Variants in DLGAP1 observed in about 807,000 individuals in gnomAD.
The protein encoded by DLGAP1 is disks large-associated protein 1.
DLGAP1 carries 11 observed loss-of-function variants against 90.8 expected under a neutral mutation model. The observed-to-expected ratio is 0.12, with a 90% CI of 0.08 to 0.20. DLGAP1 has a LOEUF of 0.20. Ranked by LOEUF, DLGAP1 falls within the 10% of genes least tolerant of loss-of-function variation. The probability of loss-of-function intolerance (pLI) is 1.00; values close to 1 mark genes in which losing one functional copy is unlikely to be tolerated. For missense variants in DLGAP1, 1,050 were observed against 1,333.8 expected, an observed-to-expected ratio of 0.79 and a Z score of 3.31; for synonymous variants, 558 against 540.7, an observed-to-expected ratio of 1.03 and a Z score of -0.44.
At chr18:4,152,121 A>T (rs1489834362) in intron 1 of DLGAP1, among the ~76,000 whole-genome samples, 1 of 152,200 alleles carries the variant, frequency 6.6e-6, no homozygotes, top group Non-Finnish European at 1.5e-5. Context: ...GAAAAGTGAC[A>T]TAGAAAAGGA....
At chr18:4,115,231 G>A (rs577378579) in intron 2 of DLGAP1, among the ~76,000 whole-genome samples, 1 of 151,908 alleles carries the variant, frequency 6.6e-6, no homozygotes, top group Admixed American at 6.6e-5. Context: ...ACTCATATAT[G>A]TGTCTATTCC....
At chr18:3,753,405 A>G (rs1472014365) in intron 5 of DLGAP1, among the ~76,000 whole-genome samples, 1 of 152,078 alleles carries the variant, frequency 6.6e-6, no homozygotes, top group Non-Finnish European at 1.5e-5. Flanking sequence ...CTCCCCTCGA[A>G]AGCCTGGATC....
At chr18:3,835,104 T>G (rs2068292494) in intron 4 of DLGAP1, among the ~76,000 whole-genome samples, 2 of 152,252 alleles carry the variant, frequency 1.3e-5, no homozygotes, top group Admixed American at 1.3e-4. Flanking sequence ...AAAACCCATA[T>G]GGCCTGTGTC....
chr18:4,070,353 A>G (rs140403014), intron 2 of DLGAP1, among the ~76,000 whole-genome samples: 163 of 152,114 alleles, frequency 1.1e-3, no homozygotes, highest in African/African-American at 3.9e-3. Context: ...CCTCCACAGA[A>G]ATCTTTTTTT....
At chr18:4,016,980 C>T (rs1462936890) in intron 2 of DLGAP1, among the ~76,000 whole-genome samples, 1 of 152,116 alleles carries the variant, frequency 6.6e-6, no homozygotes, top group Non-Finnish European at 1.5e-5. Flanking sequence ...ATACTAGTTC[C>T]CTCCCTTCAC....
In DLGAP1 at chr18:4,220,316, ATGG is replaced by A. The variant is rs1598648441; in HGVS notation, c.-266-69032_-266-69030del. ...TCCTTCTTTTTCCAGTTTAGATTCTATGGCTCATAATTTCATTAAGACTCTTGC... is the reference window on the plus strand; with the variant it reads ...TCCTTCTTTTTCCAGTTTAGATTCTACTCATAATTTCATTAAGACTCTTGC... On this transcript the variant is annotated intron_variant, in intron 1 of 12. Transcript: ENST00000315677. Among the ~76,000 whole-genome samples, 20 of 152,204 alleles carry A rather than the reference ATGG, an allele frequency of 1.3e-4. No individual in the cohort carries two copies. The East Asian group carries it at 3.9e-3, about 29-fold the overall frequency.
intron 1 of DLGAP1, among the ~76,000 whole-genome samples, chr18:4,446,407 T>C (rs1366532058): frequency 2.6e-5 from 4 of 151,930 alleles, no homozygotes; most frequent in African/African-American, 4.8e-5. Context: ...CTGCTATGTA[T>C]TCCAGGCATA....
intron 4 of DLGAP1, among the ~76,000 whole-genome samples, chr18:3,830,719 A>G (rs1238892062): frequency 6.6e-6 from 1 of 152,234 alleles, no homozygotes; most frequent in Non-Finnish European, 1.5e-5. Context: ...CAACTTGCAC[A>G]TACTACTAAT....
At chr18:4,316,713 G>A (rs899380057) in intron 1 of DLGAP1, among the ~76,000 whole-genome samples, 1 of 152,070 alleles carries the variant, frequency 6.6e-6, no homozygotes, top group Non-Finnish European at 1.5e-5. Flanking sequence ...TAAGGCCGTC[G>A]AACTGAACAC....
chr18:3,573,867 A>AT (rs1410072093), intron 8 of DLGAP1, among the ~76,000 whole-genome samples: 1 of 151,848 alleles, frequency 6.6e-6, no homozygotes, highest in African/African-American at 2.4e-5. Context: ...CGCACGACTA[A>AT]TTTTTTCTAC....
chr18:3,659,394 TACACACACACACACACACACACAC>T (rs71366699), intron 7 of DLGAP1, among the ~76,000 whole-genome samples: 2 of 102,174 alleles, frequency 2.0e-5, no homozygotes, highest in Admixed American at 2.3e-4. Context: ...CATACATTTA[TACACACACACACACACACACACAC>T]ACACACACAC....
intron 3 of DLGAP1, among the ~76,000 whole-genome samples, chr18:3,883,900 G>A (rs758559094): frequency 5.3e-5 from 8 of 152,200 alleles, no homozygotes; most frequent in Admixed American, 1.3e-4. Flanking sequence ...CGTTCTACCT[G>A]TCTGGAAGTA....
intron 1 of DLGAP1, among the ~76,000 whole-genome samples, chr18:4,266,974 T>A (rs1568481039): frequency 6.6e-6 from 1 of 152,220 alleles, no homozygotes; most frequent in Admixed American, 6.5e-5. Context: ...GGTGCTGAGT[T>A]TACTAATGTG....
intron 2 of DLGAP1, among the ~76,000 whole-genome samples, chr18:4,088,961 G>A (rs1216484453): frequency 2.0e-5 from 3 of 152,178 alleles, no homozygotes; most frequent in African/African-American, 7.2e-5. Flanking sequence ...GCGCAAGCAG[G>A]CAAGAGAAAG....
At chr18:4,357,157 CTTTTT>C (rs554248097) in intron 1 of DLGAP1, among the ~76,000 whole-genome samples, 48 of 108,708 alleles carry the variant, frequency 4.4e-4, no homozygotes, top group South Asian at 9.9e-4. Flanking sequence ...TGTTTTTTTC[CTTTTT>C]TTTTTTTTTT....
chr18:4,315,256 C>T (rs1411763158), intron 1 of DLGAP1, among the ~76,000 whole-genome samples: 2 of 152,124 alleles, frequency 1.3e-5, no homozygotes, highest in East Asian at 3.8e-4. Context: ...TATAACAGTG[C>T]CTAGCCTATG....
intron 1 of DLGAP1, among the ~76,000 whole-genome samples, chr18:4,214,873 ACC>A (rs2077920060): frequency 6.6e-6 from 1 of 152,104 alleles, no homozygotes; most frequent in South Asian, 2.1e-4. Context: ...GAAAACAAAC[ACC>A]AGAATTTTTT....
At chr18:3,659,394 T>TAA (rs1555618610) in intron 7 of DLGAP1, among the ~76,000 whole-genome samples, 3 of 102,174 alleles carry the variant, frequency 2.9e-5, no homozygotes, top group Middle Eastern at 0.012. Flanking sequence ...CATACATTTA[T>TAA]ACACACACAC....
At chr18:3,786,276 T>G (rs1194344021) in intron 5 of DLGAP1, among the ~76,000 whole-genome samples, 1 of 152,158 alleles carries the variant, frequency 6.6e-6, no homozygotes, top group Non-Finnish European at 1.5e-5. Context: ...GGTCAAAGGC[T>G]GAGATAATTC....
Sources: allele counts gnomAD v4.1 joint callset (sites outside exome capture counted in the v4.1 genomes callset), GRCh38; gene constraint gnomAD v4.1.1; transcripts MANE v1.5; gene names NCBI Gene and HGNC (gene_info 2026-07-23, HGNC 2026-07-21).